SEMA3D: variants seen among roughly 807,000 people sequenced by gnomAD.
The protein encoded by SEMA3D is semaphorin 3D, also known as semaphorin-3D.
A neutral mutation model predicts 100.1 loss-of-function variants in SEMA3D; 84 were observed. That is an observed-to-expected ratio of 0.84 (90% CI 0.70 to 1.01). The LOEUF (loss-of-function observed/expected upper bound fraction) is 1.01, where lower values mean the gene tolerates loss of function less well. Among genes scored for constraint, SEMA3D ranks in the 50% least tolerant of loss-of-function variants. The pLI, the probability that SEMA3D is intolerant of heterozygous loss-of-function variation, is 0.00. For missense variants in SEMA3D, 875 were observed against 934.1 expected (o/e 0.94, Z 0.82); for synonymous variants, 312 against 320.7 (o/e 0.97, Z 0.29).
At chr7:85,150,276 T>A (rs1289164700) in intron 2 of SEMA3D, among the ~76,000 whole-genome samples, 1 of 149,114 alleles carries the variant, frequency 6.7e-6, no homozygotes, top group Non-Finnish European at 1.5e-5. Flanking sequence ...ATGAAAAAAA[T>A]TTTGAGCTGT....
chr7:85,058,640 C>A (rs983026019), intron 8 of SEMA3D, among the ~76,000 whole-genome samples: 13 of 148,838 alleles, frequency 8.7e-5, no homozygotes, highest in Admixed American at 6.8e-5. Flanking sequence ...CCCAGCTACT[C>A]GGGAGGCTGA....
intron 8 of SEMA3D, among the ~76,000 whole-genome samples, chr7:85,058,519 C>T (rs2286189): frequency 0.26 from 38,978 of 151,670 alleles, 5,089 homozygotes; most frequent in Non-Finnish European, 0.3. Context: ...AGGCCGAGGC[C>T]GGCAGATCAC....
At chr7:85,227,579 T>A in the SEMA3D span, among the ~76,000 whole-genome samples, 1 of 152,170 alleles carries the variant, frequency 6.6e-6, no homozygotes, top group Admixed American at 6.6e-5. Flanking sequence ...GCTACCCAGT[T>A]AATAGTATTT....
At chr7:85,121,969 C>A (rs949913219) in intron 2 of SEMA3D, 38 bp from the exon 3 acceptor site, 3 of 1,057,436 alleles carry the variant, frequency 2.8e-6, no homozygotes, top group South Asian at 1.8e-5. Flanking sequence ...ATTAAGGTAT[C>A]AGCAAACTGA....
chr7:85,210,019 T>C, the SEMA3D span, among the ~76,000 whole-genome samples: 7 of 152,100 alleles, frequency 4.6e-5, no homozygotes, highest in African/African-American at 1.7e-4. Flanking sequence ...GTTTGGAATG[T>C]ATTGATCCAA....
chr7:85,188,521 T>G (rs1290568633), upstream of SEMA3D, among the ~76,000 whole-genome samples: 2 of 152,244 alleles, frequency 1.3e-5, no homozygotes, highest in Non-Finnish European at 2.9e-5. Flanking sequence ...TTATTTTCAT[T>G]TGTATATGTC....
At chr7:85,098,169 C>A (rs916706996) in intron 3 of SEMA3D, among the ~76,000 whole-genome samples, 6 of 151,400 alleles carry the variant, frequency 4.0e-5, no homozygotes, top group Non-Finnish European at 8.9e-5. Flanking sequence ...ACATATTGTC[C>A]CACTTTGTAA....
chr7:85,012,850 C>A lies in SEMA3D; in HGVS notation c.1704-4G>T. On this transcript the variant is annotated splice_region_variant and splice_polypyrimidine_tract_variant and intron_variant, in intron 16 of 18. Transcript: ENST00000284136. Reference sequence around the variant, plus strand: ...TACATCTTGGCGTCTAGCTCTCCTGCGGAAAGGGGATTAAACTTATTAGAA... The same window carrying A: ...TACATCTTGGCGTCTAGCTCTCCTGAGGAAAGGGGATTAAACTTATTAGAA... 1 of 1,608,898 alleles carries A rather than the reference C, an allele frequency of 6.2e-7. No homozygotes were observed. The highest frequency in any genetic ancestry group is 8.5e-7 in the Non-Finnish European group (1 of 1,176,268).
the SEMA3D span, among the ~76,000 whole-genome samples, chr7:85,243,002 G>A: frequency 1.1e-3 from 161 of 152,094 alleles, no homozygotes; most frequent in African/African-American, 3.7e-3. Context: ...ATAGTTTTAC[G>A]GATAGGTCTG....
the SEMA3D span, among the ~76,000 whole-genome samples, chr7:85,241,825 A>G: frequency 6.6e-6 from 1 of 152,090 alleles, no homozygotes; most frequent in South Asian, 2.1e-4. Flanking sequence ...CTATGGAAAT[A>G]AAAATAAATA....
At chr7:85,224,581 G>C in the SEMA3D span, among the ~76,000 whole-genome samples, 101 of 152,282 alleles carry the variant, frequency 6.6e-4, 3 homozygotes, top group Middle Eastern at 0.017. Context: ...AGTGTTAGAT[G>C]AATGTGCATA....
intron 4 of SEMA3D, among the ~76,000 whole-genome samples, chr7:85,089,283 C>T (rs1008668492): frequency 3.3e-5 from 5 of 152,110 alleles, no homozygotes; most frequent in Non-Finnish European, 7.4e-5. Context: ...CTAGGTAGAG[C>T]TTGTTCTACC....
the SEMA3D span, among the ~76,000 whole-genome samples, chr7:85,215,954 T>TCATTAACTAGGGC: frequency 6.6e-6 from 1 of 152,130 alleles, no homozygotes; most frequent in Admixed American, 6.6e-5. Context: ...TATTTTGCAC[T>TCATTAACTAGGGC]TTTAAGGTTC....
chr7:85,097,756 G>T, intron 4 of SEMA3D, 49 bp downstream of exon 4: 1 of 1,190,682 alleles, frequency 8.4e-7, no homozygotes, highest in Non-Finnish European at 1.2e-6. Flanking sequence ...GAGAAGAAGA[G>T]AGATGAAAAT....
intron 4 of SEMA3D, among the ~76,000 whole-genome samples, chr7:85,093,070 C>T (rs1788444038): frequency 6.6e-6 from 1 of 151,890 alleles, no homozygotes; most frequent in Non-Finnish European, 1.5e-5. Flanking sequence ...ATATATATAC[C>T]TCTTTTTGTT....
chr7:85,086,013 A>G (rs1251484113), intron 4 of SEMA3D, among the ~76,000 whole-genome samples: 1 of 152,218 alleles, frequency 6.6e-6, no homozygotes, highest in African/African-American at 2.4e-5. Flanking sequence ...AGTAAATGTT[A>G]TATACAAGCA....
At chr7:85,164,676 G>T (rs1418497984) in intron 1 of SEMA3D, among the ~76,000 whole-genome samples, 1 of 152,090 alleles carries the variant, frequency 6.6e-6, no homozygotes, top group Non-Finnish European at 1.5e-5. Context: ...AAGACTGAAT[G>T]TCAGCCACTT....
At chr7:85,225,091 TATATATATATATATAC>T in the SEMA3D span, among the ~76,000 whole-genome samples, 15 of 12,936 alleles carry the variant, frequency 1.2e-3, no homozygotes, top group African/African-American at 4.8e-3. Flanking sequence ...TATATATATA[TATATATATATATATAC>T]ATACATATAT....
At chr7:85,168,924 G>T (rs551325980) in intron 1 of SEMA3D, among the ~76,000 whole-genome samples, 202 of 151,566 alleles carry the variant, frequency 1.3e-3, no homozygotes, top group Middle Eastern at 3.4e-3. Flanking sequence ...TAAAGTGTTG[G>T]GGCAGGGGAA....
Sources: gnomAD v4.1 joint callset for allele counts (sites outside exome capture counted in the v4.1 genomes callset) on GRCh38, gnomAD v4.1.1 for gene constraint, MANE v1.5 for transcripts, NCBI Gene and HGNC (gene_info 2026-07-23, HGNC 2026-07-21) for gene names.